SUSD4: variants seen among roughly 807,000 people sequenced by gnomAD.
SUSD4 encodes the protein sushi domain containing 4, also known as sushi domain-containing protein 4.
In SUSD4, 41 loss-of-function variants were observed where a neutral mutation model predicts 50.5. The ratio of observed to expected loss-of-function variants is 0.81; its 90% CI spans 0.63 to 1.05. The LOEUF is 1.05. Among genes scored for constraint, SUSD4 ranks in the 50% least tolerant of loss-of-function variants. The probability of loss-of-function intolerance (pLI) is 0.00; values close to 1 mark genes in which losing one functional copy is unlikely to be tolerated. For missense variants in SUSD4, 580 were observed against 634.7 expected, an observed-to-expected ratio of 0.91 and a Z score of 0.93; for synonymous variants, 257 against 257.3, an observed-to-expected ratio of 1.00 and a Z score of 0.01.
chr1:223,307,996 C>T (rs1214025151), intron 2 of SUSD4, among the ~76,000 whole-genome samples: 2 of 152,126 alleles, frequency 1.3e-5, no homozygotes, highest in African/African-American at 4.8e-5. Context: ...CGGATTTGTG[C>T]CAGCAAATCC....
intron 2 of SUSD4, among the ~76,000 whole-genome samples, chr1:223,313,610 G>A (rs1666007438): frequency 6.6e-6 from 1 of 152,122 alleles, no homozygotes; most frequent in African/African-American, 2.4e-5. Flanking sequence ...AAATAAGGCT[G>A]AGACCTACTG....
At chr1:223,230,288 C>T (rs532581777) in intron 5 of SUSD4, among the ~76,000 whole-genome samples, 1 of 152,018 alleles carries the variant, frequency 6.6e-6, no homozygotes, top group African/African-American at 2.4e-5. Flanking sequence ...CAGAAATAAA[C>T]AGTGCTGCTG....
At chr1:223,345,074 A>G (rs1667957715) in intron 2 of SUSD4, among the ~76,000 whole-genome samples, 2 of 152,192 alleles carry the variant, frequency 1.3e-5, no homozygotes, top group South Asian at 4.1e-4. Flanking sequence ...TATTCCTGTC[A>G]CACACTGTAA....
At chr1:223,330,671 A>G (rs1260874828) in intron 2 of SUSD4, among the ~76,000 whole-genome samples, 1 of 152,226 alleles carries the variant, frequency 6.6e-6, no homozygotes, top group African/African-American at 2.4e-5. Context: ...TCATGCAGCT[A>G]ATGTACAGTT....
At chr1:223,352,923 C>T (rs897666258) in intron 2 of SUSD4, among the ~76,000 whole-genome samples, 39 of 152,200 alleles carry the variant, frequency 2.6e-4, no homozygotes, top group Non-Finnish European at 3.1e-4. Flanking sequence ...GCAAGGGATG[C>T]ATGGAGCACC....
intron 7 of SUSD4, 84 bp from the exon 8 acceptor site, chr1:223,223,715 G>T: frequency 6.8e-7 from 1 of 1,464,812 alleles, no homozygotes. Flanking sequence ...TGCACTCGGG[G>T]TCCTCAGGAC....
At chr1:223,261,993 T>A (rs1199396542) in intron 5 of SUSD4, among the ~76,000 whole-genome samples, 1 of 152,050 alleles carries the variant, frequency 6.6e-6, no homozygotes, top group African/African-American at 2.4e-5. Context: ...AGTGATTGAG[T>A]AGGATGCCAG....
chr1:223,320,836 ACT>A (rs1227799909), intron 2 of SUSD4, among the ~76,000 whole-genome samples: 2 of 151,932 alleles, frequency 1.3e-5, no homozygotes, highest in East Asian at 1.9e-4. Context: ...TCCACTAACA[ACT>A]CTGTCATTCA....
chr1:223,301,949 C>T (rs1013570483), intron 2 of SUSD4, among the ~76,000 whole-genome samples: 5 of 152,114 alleles, frequency 3.3e-5, no homozygotes, highest in African/African-American at 7.2e-5. Flanking sequence ...GGTTTGGCTC[C>T]GTGTCCCCAC....
At chr1:223,252,771 G>A (rs1661423008) in intron 5 of SUSD4, among the ~76,000 whole-genome samples, 1 of 151,532 alleles carries the variant, frequency 6.6e-6, no homozygotes, top group South Asian at 2.1e-4. Flanking sequence ...CTGGACCAAT[G>A]AAATCCCTTC....
intron 3 of SUSD4, among the ~76,000 whole-genome samples, chr1:223,278,009 CAGG>C (rs1240127737): frequency 2.0e-5 from 3 of 152,100 alleles, no homozygotes; most frequent in Admixed American, 2.0e-4. Context: ...CATTCTAATG[CAGG>C]AGGTCTGAAT....
intron 2 of SUSD4, among the ~76,000 whole-genome samples, chr1:223,316,954 G>A (rs573537494): frequency 5.3e-5 from 8 of 152,230 alleles, no homozygotes; most frequent in South Asian, 4.2e-4. Context: ...GTCTGGCAGC[G>A]CAGACCTTGT....
chr1:223,353,103 C>G (rs904052375), intron 2 of SUSD4, among the ~76,000 whole-genome samples: 11 of 152,188 alleles, frequency 7.2e-5, no homozygotes, highest in African/African-American at 2.7e-4. Flanking sequence ...CTCAACACCA[C>G]AAGGACCTTT....
At chr1:223,277,739 G>C (rs61837638) in intron 3 of SUSD4, among the ~76,000 whole-genome samples, 1 of 152,044 alleles carries the variant, frequency 6.6e-6, no homozygotes, top group African/African-American at 2.4e-5. Context: ...CTTTCCTGCT[G>C]TGTGACTTCT....
At chr1:223,350,648 A>AT (rs1391614578) in intron 2 of SUSD4, among the ~76,000 whole-genome samples, 6 of 152,246 alleles carry the variant, frequency 3.9e-5, no homozygotes, top group Admixed American at 2.0e-4. Flanking sequence ...TTCATACAGT[A>AT]GCAGGTCTTA....
At chr1:223,349,682 C>T (rs1385366990) in intron 2 of SUSD4, among the ~76,000 whole-genome samples, 6 of 152,194 alleles carry the variant, frequency 3.9e-5, no homozygotes. Flanking sequence ...TACACCTTTG[C>T]TCATGTTCTT....
At chr1:223,292,872 C>G (rs1294879910) in intron 2 of SUSD4, among the ~76,000 whole-genome samples, 3 of 152,110 alleles carry the variant, frequency 2.0e-5, no homozygotes, top group African/African-American at 7.2e-5. Flanking sequence ...GCCAAGTTAG[C>G]CTTTCAAGGA....
intron 7 of SUSD4, among the ~76,000 whole-genome samples, chr1:223,225,023 C>T (rs535074965): frequency 6.6e-6 from 1 of 152,040 alleles, no homozygotes; most frequent in South Asian, 2.1e-4. Context: ...GCATGCACCA[C>T]CACCCCCAGC....
intron 2 of SUSD4, among the ~76,000 whole-genome samples, chr1:223,356,926 G>A (rs1318201241): frequency 6.6e-6 from 1 of 152,188 alleles, no homozygotes; most frequent in African/African-American, 2.4e-5. Flanking sequence ...AACTGTACTT[G>A]TCAAGTGCTT....
Sources: allele counts gnomAD v4.1 joint callset (sites outside exome capture counted in the v4.1 genomes callset), GRCh38; gene constraint gnomAD v4.1.1; transcripts MANE v1.5; gene names NCBI Gene and HGNC (gene_info 2026-07-23, HGNC 2026-07-21).